Variants in NUBPL observed in about 807,000 individuals in gnomAD.
NUBPL encodes iron-sulfur cluster transfer protein NUBPL.
In NUBPL, 31 loss-of-function variants were observed where a neutral mutation model predicts 45.7. That is an observed-to-expected ratio of 0.68 (90% confidence interval 0.51 to 0.92). The LOEUF is 0.92. Among genes scored for constraint, NUBPL ranks in the 40% least tolerant of loss-of-function variants. The pLI is 0.00. For missense variants in NUBPL, 401 were observed against 398.7 expected (o/e 1.01, Z -0.05); for synonymous variants, 144 against 140.9 (o/e 1.02, Z -0.15).
chr14:31,802,106 T>C (rs536811669), intron 7 of NUBPL, among the ~76,000 whole-genome samples: 3 of 152,326 alleles, frequency 2.0e-5, no homozygotes, highest in East Asian at 3.9e-4. Flanking sequence ...GGCTCTATCC[T>C]CATGAATAAA....
At chr14:31,852,932 T>A (rs772830798) in intron 10 of NUBPL, among the ~76,000 whole-genome samples, 1 of 152,234 alleles carries the variant, frequency 6.6e-6, no homozygotes, top group Non-Finnish European at 1.5e-5. Flanking sequence ...AGAAGCATAA[T>A]ACCTATTCTG....
At chr14:31,645,940 T>A (rs2035839340) in intron 4 of NUBPL, among the ~76,000 whole-genome samples, 1 of 152,088 alleles carries the variant, frequency 6.6e-6, no homozygotes, top group African/African-American at 2.4e-5. Context: ...TTAGATAGAG[T>A]ATCCTGGAGT....
chr14:31,604,675 G>GT (rs1256118591), intron 4 of NUBPL, among the ~76,000 whole-genome samples: 1 of 152,122 alleles, frequency 6.6e-6, no homozygotes, highest in Non-Finnish European at 1.5e-5. Flanking sequence ...CAGATCATAC[G>GT]TTTATCCACA....
chr14:31,829,490 G>A (rs2040156704), intron 8 of NUBPL, among the ~76,000 whole-genome samples: 1 of 152,152 alleles, frequency 6.6e-6, no homozygotes, highest in Admixed American at 6.5e-5. Flanking sequence ...AGTGGGAAGT[G>A]GATTTGTTGA....
At chr14:31,649,195 A>G (rs1051717247) in intron 4 of NUBPL, among the ~76,000 whole-genome samples, 4 of 152,220 alleles carry the variant, frequency 2.6e-5, no homozygotes, top group African/African-American at 9.6e-5. Context: ...TTAAATTTCT[A>G]AACAGTGTCA....
At chr14:31,697,558 A>AG (rs776520224) in intron 6 of NUBPL, among the ~76,000 whole-genome samples, 2 of 152,228 alleles carry the variant, frequency 1.3e-5, no homozygotes, top group Non-Finnish European at 2.9e-5. Context: ...TGCAATGCCA[A>AG]GGTGACAAAC....
At position 31,834,381 on chromosome 14, in the gene NUBPL, G is replaced by C. The variant is rs528385697; in HGVS notation, c.693+7667G>C. On this transcript the variant is annotated intron_variant, in intron 8 of 10. Transcript: ENST00000281081. ...CTTTTAGTAGAGACGGGGTTTCACCGTGTTAGCCAGGATGGTCTCGATCTC... is the reference window on the plus strand; with the variant it reads ...CTTTTAGTAGAGACGGGGTTTCACCCTGTTAGCCAGGATGGTCTCGATCTC... Among the ~76,000 whole-genome samples the C allele has an allele frequency of 2.6e-5, 4 of 151,874 alleles. No individual in the cohort carries two copies. In the East Asian group the frequency reaches 7.7e-4, roughly 29 times the overall value.
At chr14:31,646,844 A>AT (rs2035867264) in intron 4 of NUBPL, among the ~76,000 whole-genome samples, 1 of 127,490 alleles carries the variant, frequency 7.8e-6, no homozygotes. Flanking sequence ...CACTTCTCAA[A>AT]TTTGTTTTTT....
chr14:31,622,664 C>T (rs189388429), intron 4 of NUBPL, among the ~76,000 whole-genome samples: 15 of 152,356 alleles, frequency 9.8e-5, no homozygotes, highest in African/African-American at 3.4e-4. Context: ...GTGCACACTC[C>T]AAATCTTGGC....
chr14:31,638,837 A>G (rs1307181702), intron 4 of NUBPL, among the ~76,000 whole-genome samples: 1 of 152,046 alleles, frequency 6.6e-6, no homozygotes, highest in Non-Finnish European at 1.5e-5. Flanking sequence ...CATTCATTTC[A>G]TCTTCCATCA....
intron 10 of NUBPL, among the ~76,000 whole-genome samples, 176 bp from the exon 11 acceptor site, chr14:31,858,942 C>CT (rs1285442313): frequency 1.1e-4 from 17 of 152,174 alleles, no homozygotes; most frequent in African/African-American, 4.1e-4. Context: ...ATCTAAAATT[C>CT]TTTCTTCCTT....
intron 6 of NUBPL, among the ~76,000 whole-genome samples, chr14:31,750,321 G>A (rs527970318): frequency 4.1e-5 from 6 of 147,720 alleles, no homozygotes; most frequent in African/African-American, 7.4e-5. Context: ...GACTACAGGC[G>A]CCCACCACCA....
chr14:31,802,445 T>G (rs1342996109), intron 7 of NUBPL, among the ~76,000 whole-genome samples: 2 of 152,020 alleles, frequency 1.3e-5, no homozygotes, highest in Non-Finnish European at 2.9e-5. Flanking sequence ...CTGGCTAATT[T>G]TTTTGTATTT....
intron 7 of NUBPL, among the ~76,000 whole-genome samples, chr14:31,801,604 G>T (rs1242232391): frequency 6.6e-6 from 1 of 152,310 alleles, no homozygotes. Flanking sequence ...GATGAGCAGT[G>T]ATGCAAGCAT....
At chr14:31,681,978 T>TA (rs1231431609) in intron 6 of NUBPL, among the ~76,000 whole-genome samples, 1 of 152,204 alleles carries the variant, frequency 6.6e-6, no homozygotes, top group Admixed American at 6.5e-5. Context: ...GAATATTTCA[T>TA]ACGCTTTTGG....
At chr14:31,732,853 C>T (rs1376976185) in intron 6 of NUBPL, among the ~76,000 whole-genome samples, 2 of 152,130 alleles carry the variant, frequency 1.3e-5, no homozygotes, top group African/African-American at 4.8e-5. Context: ...CTCAAATGAT[C>T]TGCCCACCTC....
intron 7 of NUBPL, among the ~76,000 whole-genome samples, chr14:31,812,021 A>G (rs750218034): frequency 6.6e-6 from 1 of 152,198 alleles, no homozygotes; most frequent in Admixed American, 6.5e-5. Flanking sequence ...GCTTCGTCTC[A>G]GAGGGGCACC....
At chr14:31,709,643 A>G (rs908810860) in intron 6 of NUBPL, among the ~76,000 whole-genome samples, 5 of 152,240 alleles carry the variant, frequency 3.3e-5, no homozygotes, top group Admixed American at 3.3e-4. Flanking sequence ...TAGACCCTGT[A>G]GGACATTTAT....
At chr14:31,649,100 C>A (rs534018130) in intron 4 of NUBPL, among the ~76,000 whole-genome samples, 1 of 152,192 alleles carries the variant, frequency 6.6e-6, no homozygotes, top group African/African-American at 2.4e-5. Context: ...TGAGCCAATG[C>A]TCCTGGCCCC....
Sources: gnomAD v4.1 joint callset for allele counts (sites outside exome capture counted in the v4.1 genomes callset) on GRCh38, gnomAD v4.1.1 for gene constraint, MANE v1.5 for transcripts, NCBI Gene and HGNC (gene_info 2026-07-23, HGNC 2026-07-21) for gene names.